CNOT6: variants seen among roughly 807,000 people sequenced by gnomAD.
CNOT6 encodes carbon catabolite repression 4 protein.
A neutral mutation model predicts 61.2 loss-of-function variants in CNOT6; 12 were observed. The ratio of observed to expected loss-of-function variants is 0.20; its 90% CI spans 0.13 to 0.32. The LOEUF (loss-of-function observed/expected upper bound fraction) is 0.32. Ranked by LOEUF, CNOT6 falls within the 10% of genes least tolerant of loss-of-function variation. CNOT6 has a pLI of 1.00. For missense variants in CNOT6, 405 were observed against 663.9 expected (o/e 0.61, Z 4.28); for synonymous variants, 225 against 240.6 (o/e 0.94, Z 0.60).
Position 180,577,798 on chromosome 5 carries a change from A to G in CNOT6, c.*3598A>G, listed in dbSNP as rs2127774147. 2.0e-5 allele frequency: 3 copies of G among 152,786 alleles called. No homozygotes were observed. The East Asian group carries it at 5.8e-4, about 29-fold the overall frequency. The allele number at this position is 152,786 out of a possible 1,614,324, so 9.5% of individuals were successfully genotyped here. A position where few individuals can be genotyped will look rare whatever the true frequency, so the allele number is the denominator to read the frequency against. Reference sequence around the variant, plus strand: ...CAGCTCTTTGATGAGGGTGATGGGAACTGAATAAACCATACGGACTGGCAG... The same window carrying G: ...CAGCTCTTTGATGAGGGTGATGGGAGCTGAATAAACCATACGGACTGGCAG... On this transcript the variant is annotated 3_prime_UTR_variant, in exon 12 of 12. Coordinates refer to ENST00000261951, the MANE Select transcript of CNOT6 (RefSeq NM_001370472.1).
intron 2 of CNOT6, among the ~76,000 whole-genome samples, chr5:180,546,741 A>C (rs1759336394): frequency 6.6e-6 from 1 of 152,214 alleles, no homozygotes; most frequent in African/African-American, 2.4e-5. Flanking sequence ...TCTTCTGCTT[A>C]AAGAATTTTC....
At chr5:180,542,889 G>A (rs1442741108) in intron 2 of CNOT6, among the ~76,000 whole-genome samples, 2 of 152,132 alleles carry the variant, frequency 1.3e-5, no homozygotes, top group Admixed American at 6.6e-5. Flanking sequence ...ATAGATATGA[G>A]ATTATCAAAA....
chr5:180,527,035 A>G (rs1406666841), intron 1 of CNOT6, among the ~76,000 whole-genome samples: 2 of 152,062 alleles, frequency 1.3e-5, no homozygotes, highest in African/African-American at 4.8e-5. Flanking sequence ...GTATACCACC[A>G]TGCTTGGCTA....
intron 4 of CNOT6, among the ~76,000 whole-genome samples, chr5:180,562,506 C>T (rs1475115795): frequency 2.0e-5 from 3 of 152,108 alleles, no homozygotes; most frequent in Middle Eastern, 6.8e-3. Flanking sequence ...TTTGGGAGGC[C>T]GAGTCGGGTG....
At chr5:180,533,007 T>C (rs1187764687) in intron 2 of CNOT6, among the ~76,000 whole-genome samples, 1 of 152,184 alleles carries the variant, frequency 6.6e-6, no homozygotes, top group Non-Finnish European at 1.5e-5. Context: ...CCCTGTTCTT[T>C]CGGGTTTTTA....
chr5:180,550,728 C>A (rs951255587), intron 3 of CNOT6, among the ~76,000 whole-genome samples: 3 of 152,150 alleles, frequency 2.0e-5, no homozygotes, highest in African/African-American at 7.2e-5. Flanking sequence ...TTCCTCATGA[C>A]AAACAGGGCA....
intron 1 of CNOT6, among the ~76,000 whole-genome samples, chr5:180,515,932 G>A (rs1285849591): frequency 6.6e-6 from 1 of 152,056 alleles, no homozygotes; most frequent in Non-Finnish European, 1.5e-5. Context: ...TTTGAGATCA[G>A]GGTCTCACCG....
intron 1 of CNOT6, among the ~76,000 whole-genome samples, chr5:180,502,969 A>G (rs1405079969): frequency 6.6e-6 from 1 of 152,232 alleles, no homozygotes; most frequent in Admixed American, 6.5e-5. Context: ...AATTATGACA[A>G]TGATAACTAT....
At chr5:180,559,199 G>A (rs373955728) in intron 4 of CNOT6, among the ~76,000 whole-genome samples, 6 of 152,300 alleles carry the variant, frequency 3.9e-5, no homozygotes, top group Middle Eastern at 3.4e-3. Context: ...GTCAGTTGTG[G>A]AGAGAGAAGT....
intron 2 of CNOT6, among the ~76,000 whole-genome samples, chr5:180,549,426 G>C (rs544296814): frequency 6.6e-6 from 1 of 152,224 alleles, no homozygotes; most frequent in African/African-American, 2.4e-5. Flanking sequence ...AAGGCGGGCA[G>C]ATCACAAGGT....
chr5:180,529,019 G>A (rs1477048952), intron 1 of CNOT6, among the ~76,000 whole-genome samples: 3 of 152,054 alleles, frequency 2.0e-5, no homozygotes, highest in Non-Finnish European at 4.4e-5. Context: ...GACCAGCCTG[G>A]CCAATATGGT....
chr5:180,554,234 A>G (rs1313631448), intron 4 of CNOT6, among the ~76,000 whole-genome samples: 2 of 152,178 alleles, frequency 1.3e-5, no homozygotes, highest in Non-Finnish European at 2.9e-5. Context: ...CATGAGCAAC[A>G]TGGCAAAACC....
intron 9 of CNOT6, 136 bp from the exon 10 acceptor site, chr5:180,568,974 A>G (rs1760610802): frequency 6.2e-6 from 4 of 645,372 alleles, no homozygotes; most frequent in Non-Finnish European, 1.1e-5. Context: ...GGGCACATTC[A>G]GTCATCCGGT....
At chr5:180,522,125 GTATC>G (rs1315115995) in intron 1 of CNOT6, among the ~76,000 whole-genome samples, 6 of 152,104 alleles carry the variant, frequency 3.9e-5, no homozygotes, top group Admixed American at 2.0e-4. Context: ...GTCTGTCTAT[GTATC>G]TATCTGTCTA....
intron 3 of CNOT6, 22 bp from the exon 4 acceptor site, chr5:180,553,364 C>G (rs1238561898): frequency 6.3e-7 from 1 of 1,577,550 alleles, no homozygotes; most frequent in Non-Finnish European, 8.7e-7. Flanking sequence ...TTTCTGACTT[C>G]CTGGAATTTT....
At chr5:180,545,085 A>G (rs1178665748) in intron 2 of CNOT6, among the ~76,000 whole-genome samples, 2 of 152,168 alleles carry the variant, frequency 1.3e-5, no homozygotes, top group Non-Finnish European at 2.9e-5. Context: ...AGCTTGTGGT[A>G]TGGTGTCTGT....
chr5:180,573,283 G>C (rs1194406144), intron 11 of CNOT6, among the ~76,000 whole-genome samples: 1 of 152,124 alleles, frequency 6.6e-6, no homozygotes, highest in Admixed American at 6.6e-5. Flanking sequence ...AGAGAAAAGG[G>C]GGTCAGGTAG....
At chr5:180,495,121 C>G (rs1364791598) in intron 1 of CNOT6, among the ~76,000 whole-genome samples, 1 of 152,190 alleles carries the variant, frequency 6.6e-6, no homozygotes, top group African/African-American at 2.4e-5. Context: ...TGGGTGGCAA[C>G]TTTTGAGAAG....
At chr5:180,533,340 A>G (rs1470953689) in intron 2 of CNOT6, among the ~76,000 whole-genome samples, 8 of 135,462 alleles carry the variant, frequency 5.9e-5, no homozygotes, top group Admixed American at 2.2e-4. Flanking sequence ...ATATATATAT[A>G]TATCACCGTA....
Sources: gnomAD v4.1 joint callset for allele counts (sites outside exome capture counted in the v4.1 genomes callset) on GRCh38, gnomAD v4.1.1 for gene constraint, MANE v1.5 for transcripts, NCBI Gene and HGNC (gene_info 2026-07-23, HGNC 2026-07-21) for gene names.